The following PSAP variants were observed in gnomAD, a reference collection of about 807,000 sequenced individuals.
PSAP encodes prosaposin.
Under a neutral mutation model 66.0 loss-of-function variants are expected in PSAP, and 25 were observed. That is an observed-to-expected ratio of 0.38 (90% CI 0.28 to 0.53). The LOEUF (loss-of-function observed/expected upper bound fraction) is 0.53, where lower values mean the gene tolerates loss of function less well. Ranked by LOEUF, PSAP falls within the 20% of genes least tolerant of loss-of-function variation. The probability of loss-of-function intolerance (pLI) is 0.83; values close to 1 mark genes in which losing one functional copy is unlikely to be tolerated. For synonymous variants in PSAP, 273 were observed against 258.9 expected (o/e 1.05, Z -0.52); for missense variants, 649 against 668.8 (o/e 0.97, Z 0.33).
intron 7 of PSAP, among the ~76,000 whole-genome samples, chr10:71,823,619 G>GT (rs955215964): frequency 6.6e-6 from 1 of 152,168 alleles, no homozygotes; most frequent in Non-Finnish European, 1.5e-5. Flanking sequence ...TACGTATGCT[G>GT]TATGTGGACT....
At chr10:71,819,376 G>A (rs1006860058) in intron 11 of PSAP, 89 bp downstream of exon 11, 3 of 1,563,714 alleles carry the variant, frequency 1.9e-6, no homozygotes, top group Non-Finnish European at 2.6e-6. Flanking sequence ...GGCAGAAACA[G>A]CTGGTTTTCC....
intron 1 of PSAP, among the ~76,000 whole-genome samples, chr10:71,849,605 A>G (rs1589462768): frequency 6.6e-6 from 1 of 152,036 alleles, no homozygotes; most frequent in East Asian, 1.9e-4. Flanking sequence ...ACTCCGTCTC[A>G]AAAAACAAAC....
At chr10:71,849,550 G>C (rs936211385) in intron 1 of PSAP, among the ~76,000 whole-genome samples, 1 of 151,908 alleles carries the variant, frequency 6.6e-6, no homozygotes, top group Non-Finnish European at 1.5e-5. Flanking sequence ...GCAGTTAGCC[G>C]AGACTACGCC....
intron 1 of PSAP, among the ~76,000 whole-genome samples, chr10:71,846,293 T>C (rs1264956262): frequency 6.6e-6 from 1 of 152,086 alleles, no homozygotes; most frequent in African/African-American, 2.4e-5. Context: ...TGTCCCAACA[T>C]ACAAAATTAC....
At chr10:71,847,478 G>A (rs538821658) in intron 1 of PSAP, among the ~76,000 whole-genome samples, 4 of 152,048 alleles carry the variant, frequency 2.6e-5, no homozygotes, top group Non-Finnish European at 5.9e-5. Context: ...AACCCGGAAG[G>A]CGGAAGTGGC....
rs145709038 is a variant in PSAP at position 71,829,975 on chromosome 10, C to T, written c.376-898G>A. On this transcript the variant is annotated intron_variant, in intron 4 of 13. Transcript: ENST00000394936. ...TCGCGCCATTGCACTCCAGGCTGGGCGACAGAGTGAGACTCAGTCTCAAAA... is the reference window on the plus strand; with the variant it reads ...TCGCGCCATTGCACTCCAGGCTGGGTGACAGAGTGAGACTCAGTCTCAAAA... Among the ~76,000 whole-genome samples the T allele has an allele frequency of 1.5e-3, 235 of 151,932 alleles. 5 individuals are homozygous for T. In the East Asian group the frequency reaches 0.042, roughly 27 times the overall value.
Position 71,817,357 on chromosome 10 carries a change from CAG to C in PSAP, c.*82_*83del. 1 of 1,420,698 alleles carries C rather than the reference CAG, an allele frequency of 7.0e-7. No homozygotes were observed. Among genetic ancestry groups the C allele is most frequent in the East Asian group, 2.3e-5 (1 of 43,942 alleles). 88.0% of individuals were successfully genotyped at this position (1,420,698 alleles called of 1,614,324 possible). ...GCCCTATTTTTATAACAAAGTCAAACAGATCTGTGCGTTCATTCCCCCAGACA... is the reference window on the plus strand; with the variant it reads ...GCCCTATTTTTATAACAAAGTCAAACATCTGTGCGTTCATTCCCCCAGACA... On this transcript the variant is annotated 3_prime_UTR_variant, in exon 14 of 14. Transcript: ENST00000394936.
intron 1 of PSAP, among the ~76,000 whole-genome samples, chr10:71,845,349 G>A (rs1347554003): frequency 4.6e-5 from 7 of 152,216 alleles, no homozygotes; most frequent in Admixed American, 4.6e-4. Flanking sequence ...GGGCAGCTGG[G>A]TTATCAGGTT....
intron 4 of PSAP, 111 bp from the exon 5 acceptor site, chr10:71,829,188 A>C (rs1241254742): frequency 9.5e-7 from 1 of 1,049,518 alleles, no homozygotes; most frequent in Admixed American, 1.9e-5. Flanking sequence ...TAAAAGAAAC[A>C]CAAACCTGTT....
In PSAP at chr10:71,831,255, C is replaced by G; in HGVS notation, c.250-4G>C. The stretch of plus-strand genomic sequence containing the variant: ...CCAAGTAAACAAGGATCTCCTCCTA[C>G]GAGAGGACACCAGGGTCAGAATCAC... On this transcript the variant is annotated splice_region_variant and splice_polypyrimidine_tract_variant and intron_variant, in intron 3 of 13. Coordinates refer to ENST00000394936, the MANE Select transcript of PSAP (RefSeq NM_002778.4). The G allele has an allele frequency of 2.5e-6, 4 of 1,613,604 alleles. No individual in the cohort carries two copies. The highest frequency in any genetic ancestry group is 3.4e-6 in the Non-Finnish European group (4 of 1,179,838).
chr10:71,822,290 C>T (rs578232597), intron 7 of PSAP: 20 of 484,466 alleles, frequency 4.1e-5, no homozygotes, highest in African/African-American at 3.1e-4. Flanking sequence ...GGAGACTCCC[C>T]AGCACCTTCC....
Position 71,816,739 on chromosome 10 carries a change from A to G in PSAP, c.*702T>C. On this transcript the variant is annotated 3_prime_UTR_variant, in exon 14 of 14. Transcript: ENST00000394936. Reference sequence around the variant, plus strand: ...TTCGGAGAGCTAGCAGGTTACATTCAGGCAGATGGCCCTCTTCCCACCCAA... The same window carrying G: ...TTCGGAGAGCTAGCAGGTTACATTCGGGCAGATGGCCCTCTTCCCACCCAA... 1 of 241,920 alleles carries G rather than the reference A, an allele frequency of 4.1e-6. No individual in the cohort carries two copies. Among genetic ancestry groups the G allele is most frequent in the South Asian group, 4.7e-5 (1 of 21,230 alleles). The allele number at this position is 241,920 out of a possible 1,614,324, so 15.0% of individuals were successfully genotyped here.
Position 71,834,464 on chromosome 10 carries a change from C to A in PSAP, c.82G>T (p.Gly28Cys). The A allele has an allele frequency of 6.2e-7, 1 of 1,614,064 alleles. No homozygotes were observed. Residue 28 changes from glycine to cysteine, a missense_variant, in exon 2 of 14, where the codon GGC (glycine) becomes TGC (cysteine). Physicochemically the swap from Gly to Cys is radical, Grantham distance 159. Coordinates refer to ENST00000394936, the MANE Select transcript of PSAP (RefSeq NM_002778.4). ...ACATTCTGGCACCACACTGCCGAGC[C>A]CCTGGTGCATTCTTTCAGTCCAAGG... The part of the protein sequence containing the change: ...PVLGLKECTR[G>C]SAVWCQNVKT...
intron 2 of PSAP, among the ~76,000 whole-genome samples, chr10:71,833,019 A>AAAAAAC: frequency 7.4e-6 from 1 of 135,866 alleles, no homozygotes; most frequent in Non-Finnish European, 1.5e-5. Flanking sequence ...TCCATCTCAA[A>AAAAAAC]AAAAAAAAAA....
intron 12 of PSAP, 140 bp downstream of exon 12, chr10:71,818,891 G>A: frequency 9.8e-7 from 1 of 1,023,384 alleles, no homozygotes; most frequent in South Asian, 1.3e-5. Context: ...TGGGGGGCTG[G>A]CTCCCTACCT....
At chr10:71,844,951 G>A (rs770353917) in intron 1 of PSAP, among the ~76,000 whole-genome samples, 1 of 151,942 alleles carries the variant, frequency 6.6e-6, no homozygotes, top group Non-Finnish European at 1.5e-5. Flanking sequence ...AGTCAAATGT[G>A]GTCTGAAAAT....
chr10:71,821,879 A>G lies in PSAP; in HGVS notation c.906T>C (p.Ile302=). The G allele has an allele frequency of 1.2e-6, 2 of 1,614,146 alleles. No homozygotes were observed. Among genetic ancestry groups the G allele is most frequent in the Admixed American group, 1.7e-5 (1 of 60,016 alleles). ...VIPALELVEP[I]KKHEVPAKSD... is the part of the protein sequence containing the mutation. The stretch of plus-strand genomic sequence containing the variant: ...GACACAAAGTGACACCAGGTACCTT[A>G]ATGGGCTCCACCAGTTCCAGGGCAG... Residue 302 remains isoleucine, a synonymous_variant, in exon 8 of 14, where the codon ATT becomes ATC. Coordinates refer to ENST00000394936, the MANE Select transcript of PSAP (RefSeq NM_002778.4).
At chr10:71,845,303 G>A (rs1173688643) in intron 1 of PSAP, among the ~76,000 whole-genome samples, 1 of 152,160 alleles carries the variant, frequency 6.6e-6, no homozygotes, top group Admixed American at 6.5e-5. Flanking sequence ...ACCTAACGGG[G>A]AGGAAAAACA....
At chr10:71,822,142 A>C in intron 7 of PSAP, 135 bp from the exon 8 acceptor site, 5 of 1,170,470 alleles carry the variant, frequency 4.3e-6, no homozygotes, top group Non-Finnish European at 6.2e-6. Flanking sequence ...CCCCTCCCAC[A>C]ACGGGGCAGA....
Sources: allele counts gnomAD v4.1 joint callset (sites outside exome capture counted in the v4.1 genomes callset), GRCh38; gene constraint gnomAD v4.1.1; transcripts MANE v1.5; gene names NCBI Gene and HGNC (gene_info 2026-07-23, HGNC 2026-07-21).